KAT7: variants seen among roughly 807,000 people sequenced by gnomAD.
The protein encoded by KAT7 is histone acetyltransferase KAT7.
A neutral mutation model predicts 82.1 loss-of-function variants in KAT7; 10 were observed. The observed-to-expected ratio is 0.12, with a 90% confidence interval of 0.08 to 0.21. KAT7 has a LOEUF of 0.21. Among genes scored for constraint, KAT7 ranks in the 10% least tolerant of loss-of-function variants. The probability of loss-of-function intolerance (pLI) is 1.00; values close to 1 mark genes in which losing one functional copy is unlikely to be tolerated. For missense variants in KAT7, 378 were observed against 760.9 expected, an observed-to-expected ratio of 0.50 and a Z score of 5.92; for synonymous variants, 250 against 262.5, an observed-to-expected ratio of 0.95 and a Z score of 0.46.
chr17:49,822,814 T>TA (rs1567864480), intron 11 of KAT7, among the ~76,000 whole-genome samples: 1 of 151,932 alleles, frequency 6.6e-6, no homozygotes, highest in East Asian at 1.9e-4. Flanking sequence ...ATTTTTTTTT[T>TA]AATCCCTTTG....
At chr17:49,817,742 C>T in intron 8 of KAT7, 78 bp from the exon 9 acceptor site, 3 of 1,170,802 alleles carry the variant, frequency 2.6e-6, no homozygotes, top group South Asian at 1.4e-5. Context: ...GTTGGGATTA[C>T]AGGAGCCACT....
At position 49,798,446 on chromosome 17, in the gene KAT7, C is replaced by T. The variant is rs368923983; in HGVS notation, c.468C>T (p.Asp156=). The change falls in exon 4 of 15, where the codon GAC becomes GAT. Residue 156 remains aspartate (D), a synonymous_variant. Coordinates refer to ENST00000259021, the MANE Select transcript of KAT7 (RefSeq NM_007067.5). ...NVSHDESIAK[D]MSLKDSGSDL... ...CTCACGATGAGAGCATTGCCAAGGA[C>T]ATGTCCCTGAAGGACTCAGGCAGTG... The T allele has an allele frequency of 1.3e-5, 21 of 1,614,112 alleles. No individual in the cohort carries two copies. The African/African-American group carries it at 2.4e-4, about 18-fold the overall frequency.
rs1042442254 is a variant in KAT7, at chr17:49,829,515, G to A, written c.*2013G>A. On this transcript the variant is annotated 3_prime_UTR_variant, in exon 15 of 15. Coordinates refer to ENST00000259021, the MANE Select transcript of KAT7 (RefSeq NM_007067.5). ...CTCCAAGCTCATTCACCAGTATTGA[G>A]CAGTGTCACCTCTAATTATTGACTC... The A allele has an allele frequency of 6.6e-6, 1 of 152,176 alleles. No homozygotes were observed. The highest frequency in any genetic ancestry group is 2.4e-5 in the African/African-American group (1 of 41,442). The allele number at this position is 152,176 out of a possible 1,614,324, so 9.4% of individuals were successfully genotyped here.
At chr17:49,802,152 C>T (rs529932362) in intron 4 of KAT7, among the ~76,000 whole-genome samples, 1 of 152,092 alleles carries the variant, frequency 6.6e-6, no homozygotes, top group Non-Finnish European at 1.5e-5. Flanking sequence ...TAAATTGTCT[C>T]ATTGACATTT....
At chr17:49,810,929 G>T (rs55970413) in intron 6 of KAT7, among the ~76,000 whole-genome samples, 3 of 152,008 alleles carry the variant, frequency 2.0e-5, no homozygotes, top group African/African-American at 4.8e-5. Flanking sequence ...AGCACAGGAG[G>T]TAGAGGTTGC....
chr17:49,825,873 T>C lies in KAT7; in HGVS notation c.1481-127T>C, dbSNP rs181218694. The C allele has an allele frequency of 2.1e-5, 19 of 920,388 alleles. No individual in the cohort carries two copies. In the East Asian group the frequency reaches 2.5e-4, roughly 12 times the overall value. 57.0% of individuals were successfully genotyped at this position (920,388 alleles called of 1,614,324 possible). ...CTATAGTTAACCACACAGTATTCCA[T>C]TGAATGACTAAATCCTAATGGAGTG... On this transcript the variant is annotated intron_variant, in intron 12 of 14. Transcript: ENST00000259021.
At chr17:49,818,689 G>A (rs953988201) in intron 9 of KAT7, among the ~76,000 whole-genome samples, 9 of 151,114 alleles carry the variant, frequency 6.0e-5, no homozygotes, top group Middle Eastern at 6.8e-3. Context: ...GCAAGGGTGC[G>A]GAACAGGGGA....
At chr17:49,816,861 G>T (rs569592523) in intron 8 of KAT7, among the ~76,000 whole-genome samples, 2 of 151,930 alleles carry the variant, frequency 1.3e-5, no homozygotes, top group South Asian at 4.2e-4. Flanking sequence ...GCCCAAACTG[G>T]AGTGCAGTGG....
rs375503094 is a variant in KAT7, at chr17:49,826,103, C to G, written c.1584C>G (p.Leu528=). The G allele has an allele frequency of 4.4e-5, 71 of 1,613,902 alleles. No homozygotes were observed. Among genetic ancestry groups the G allele is most frequent in the Non-Finnish European group, 3.4e-6 (4 of 1,179,808 alleles). ...GCAGTTACTGGAAAGAAGTACTTCTCCGCTACCTGCATAATTTTCAAGGCA... is the reference window on the plus strand; with the variant it reads ...GCAGTTACTGGAAAGAAGTACTTCTGCGCTACCTGCATAATTTTCAAGGCA... The part of the protein sequence containing the change: ...SYRSYWKEVL[L]RYLHNFQGKE... The change falls in exon 13 of 15, where the codon CTC becomes CTG. Residue 528 remains leucine, a synonymous_variant. Transcript: ENST00000259021.
At chr17:49,793,297 C>G (rs2073913248) in intron 2 of KAT7, among the ~76,000 whole-genome samples, 1 of 152,032 alleles carries the variant, frequency 6.6e-6, no homozygotes, top group Non-Finnish European at 1.5e-5. Flanking sequence ...AATAGTTGTA[C>G]CAAAATATCA....
chr17:49,829,526 T>G lies in KAT7; in HGVS notation c.*2024T>G, dbSNP rs530986963. 6.6e-6 allele frequency: 1 copy of G among 152,320 alleles called. No individual in the cohort carries two copies. The highest frequency in any genetic ancestry group is 2.4e-5 in the African/African-American group (1 of 41,570). 9.4% of individuals were successfully genotyped at this position (152,320 alleles called of 1,614,324 possible). ...TTCACCAGTATTGAGCAGTGTCACCTCTAATTATTGACTCTCTCGCAGGTT... is the reference window on the plus strand; with the variant it reads ...TTCACCAGTATTGAGCAGTGTCACCGCTAATTATTGACTCTCTCGCAGGTT... On this transcript the variant is annotated 3_prime_UTR_variant, in exon 15 of 15. Transcript: ENST00000259021.
chr17:49,830,196 TTTTTTTTTTTTTA>T lies in KAT7; in HGVS notation c.*2695_*2707del, dbSNP rs1440516669. 3.6e-5 allele frequency: 5 copies of T among 139,666 alleles called. No individual in the cohort carries two copies. The highest frequency in any genetic ancestry group is 6.1e-5 in the Non-Finnish European group (4 of 65,980). 8.7% of individuals were successfully genotyped at this position (139,666 alleles called of 1,614,324 possible). On this transcript the variant is annotated 3_prime_UTR_variant, in exon 15 of 15. Transcript: ENST00000259021. ...CCCGACCTATTTTTTTTTTTTTTTT[TTTTTTTTTTTTTA>T]AAAAAAGACAGTCTCACTCTATCAT...
chr17:49,806,890 T>C (rs1244948046), intron 5 of KAT7, among the ~76,000 whole-genome samples: 3 of 152,208 alleles, frequency 2.0e-5, no homozygotes, highest in Non-Finnish European at 2.9e-5. Context: ...CTGGAACATG[T>C]GCATGGAGGA....
Position 49,826,112 on chromosome 17 carries a change from G to A in KAT7, c.1593G>A (p.Leu531=). The change falls in exon 13 of 15, where the codon CTG becomes CTA. Residue 531 remains leucine (L), a synonymous_variant. Coordinates refer to ENST00000259021, the MANE Select transcript of KAT7 (RefSeq NM_007067.5). ...SYWKEVLLRY[L]HNFQGKEISI... The stretch of plus-strand genomic sequence containing the variant: ...GGAAAGAAGTACTTCTCCGCTACCT[G>A]CATAATTTTCAAGGCAAAGAGATTT... 7 of 1,613,814 alleles carry A rather than the reference G, an allele frequency of 4.3e-6. No homozygotes were observed. The highest frequency in any genetic ancestry group is 5.9e-6 in the Non-Finnish European group (7 of 1,179,726).
At chr17:49,825,711 T>G (rs568244955) in intron 12 of KAT7, among the ~76,000 whole-genome samples, 1 of 152,362 alleles carries the variant, frequency 6.6e-6, no homozygotes, top group African/African-American at 2.4e-5. Flanking sequence ...ATAGTATATA[T>G]AGGATTTGGT....
At chr17:49,799,959 C>G (rs2074002374) in intron 4 of KAT7, among the ~76,000 whole-genome samples, 1 of 151,498 alleles carries the variant, frequency 6.6e-6, no homozygotes, top group Admixed American at 6.6e-5. Flanking sequence ...CGTGAGCCAC[C>G]ATGCCCAGTG....
At position 49,815,890 on chromosome 17, in the gene KAT7, C is replaced by G. The variant is rs2074227388; in HGVS notation, c.940C>G (p.Gln314Glu). Residue 314 changes from glutamine to glutamate, a missense_variant, in exon 8 of 15, where the codon CAA becomes GAA. Transcript: ENST00000259021. ...TGACTTGGATCTTTTCCGAAGAGCA[C>G]AAGCCCGGGCTTCAGAGGATTTGGT... is the stretch of plus-strand genomic sequence containing the variant. ...EYDLDLFRRAQARASEDLEKL... is the reference protein window; with the variant it reads ...EYDLDLFRRAEARASEDLEKL... 6.2e-7 allele frequency: 1 copy of G among 1,612,992 alleles called. No individual in the cohort carries two copies.
chr17:49,811,435 T>C, intron 6 of KAT7, 41 bp from the exon 7 acceptor site: 1 of 1,041,912 alleles, frequency 9.6e-7, no homozygotes, highest in Non-Finnish European at 1.4e-6. Context: ...AGCTTAGCTT[T>C]ATAAGGAGTT....
chr17:49,826,447 A>G (rs1338131291), intron 13 of KAT7: 1 of 510,708 alleles, frequency 2.0e-6, no homozygotes, highest in Non-Finnish European at 3.5e-6. Context: ...GGGTGGAACA[A>G]TTTAGTTTGA....
Sources: gnomAD v4.1 joint callset for allele counts (sites outside exome capture counted in the v4.1 genomes callset) on GRCh38, gnomAD v4.1.1 for gene constraint, MANE v1.5 for transcripts, NCBI Gene and HGNC (gene_info 2026-07-23, HGNC 2026-07-21) for gene names.